Variants in KLF5 observed in about 807,000 individuals in gnomAD.
KLF5 encodes KLF transcription factor 5.
In KLF5, 9 loss-of-function variants were observed where a neutral mutation model predicts 36.9. The observed-to-expected ratio is 0.24, with a 90% CI of 0.15 to 0.43. The LOEUF (loss-of-function observed/expected upper bound fraction) is 0.43, where lower values mean the gene tolerates loss of function less well. Ranked by LOEUF, KLF5 falls within the 20% of genes least tolerant of loss-of-function variation. The pLI is 1.00. For synonymous variants in KLF5, 246 were observed against 241.7 expected, an observed-to-expected ratio of 1.02 and a Z score of -0.17; for missense variants, 524 against 599.5, an observed-to-expected ratio of 0.87 and a Z score of 1.31.
chr13:73,063,242 A>AT (rs1467314669), intron 2 of KLF5, among the ~76,000 whole-genome samples: 4 of 152,226 alleles, frequency 2.6e-5, no homozygotes, highest in African/African-American at 9.6e-5. Context: ...TACAAGACAG[A>AT]TTTAAGAATG....
intron 3 of KLF5, among the ~76,000 whole-genome samples, chr13:73,066,741 T>C (rs1426775018): frequency 2.6e-5 from 4 of 152,314 alleles, no homozygotes; most frequent in Non-Finnish European, 5.9e-5. Flanking sequence ...TTTTAAGTAA[T>C]CTGAGATGAC....
At chr13:73,063,371 A>G (rs1053614400) in intron 2 of KLF5, among the ~76,000 whole-genome samples, 2 of 152,226 alleles carry the variant, frequency 1.3e-5, no homozygotes, top group African/African-American at 4.8e-5. Context: ...TTTATGATTA[A>G]TACATGGCAA....
upstream of KLF5, among the ~76,000 whole-genome samples, chr13:73,056,429 G>C (rs1349628485): frequency 6.6e-6 from 1 of 152,214 alleles, no homozygotes; most frequent in Non-Finnish European, 1.5e-5. Flanking sequence ...CAAAGAACTA[G>C]AAAGTTCAAA....
rs1476154158 is a variant in KLF5, at chr13:73,062,306, A to C, written c.707A>C (p.Asp236Ala). 3 of 1,614,136 alleles carry C rather than the reference A, an allele frequency of 1.9e-6. No homozygotes were observed. The highest frequency in any genetic ancestry group is 4.5e-5 in the East Asian group (2 of 44,880). ...CTGTACCAGCTACTGAATACACCGG[A>C]TCTAGATATGCCCAGTTCTACAAAT... ...GHLYQLLNTP[D>A]LDMPSSTNQT... The change falls in exon 2 of 4, where the codon GAT becomes GCT. Residue 236 changes from aspartate to alanine, a missense_variant. Physicochemically the swap from Asp to Ala is moderately radical, Grantham distance 126 (BLOSUM62 -2). This residue lies in a region of KLF5 where 454 missense variants were observed against 458.1 expected (regional missense o/e 0.99). Transcript: ENST00000377687.
At chr13:73,071,380 A>G (rs2044721017) in intron 3 of KLF5, among the ~76,000 whole-genome samples, 1 of 152,224 alleles carries the variant, frequency 6.6e-6, no homozygotes, top group Admixed American at 6.5e-5. Flanking sequence ...TATCTGGTAA[A>G]TAATTAGATG....
chr13:73,076,720 A>G lies in KLF5; in HGVS notation c.*834A>G, dbSNP rs962161642. 2.0e-5 allele frequency: 3 copies of G among 152,234 alleles called. No homozygotes were observed. Among genetic ancestry groups the G allele is most frequent in the Non-Finnish European group, 2.9e-5 (2 of 68,044 alleles). 9.4% of individuals were successfully genotyped at this position (152,234 alleles called of 1,614,324 possible). A position where few individuals can be genotyped will look rare whatever the true frequency, so the allele number is the denominator to read the frequency against. ...TGAAGAGCTTAAAGATAGTTACAAA[A>G]TACAAAAGTTCAACCTCTTACAATA... On this transcript the variant is annotated 3_prime_UTR_variant, in exon 4 of 4. Transcript: ENST00000377687.
At chr13:73,069,395 G>A (rs765200900) in intron 3 of KLF5, among the ~76,000 whole-genome samples, 2 of 152,154 alleles carry the variant, frequency 1.3e-5, no homozygotes, top group Non-Finnish European at 2.9e-5. Flanking sequence ...AAGAGATTTA[G>A]GACTCAGTGG....
chr13:73,062,772 A>AGTGTGT lies in KLF5; in HGVS notation c.1135+51_1135+56dup, dbSNP rs113148226. On this transcript the variant is annotated intron_variant, in intron 2 of 3. Transcript: ENST00000377687. ...ACCTGGTTGAAGCATCAATAGATGT[A>AGTGTGT]GTGTGTGTGTGTGTGTGTCTGTGTG... is the stretch of plus-strand genomic sequence containing the variant. The AGTGTGT allele has an allele frequency of 5.6e-3, 8,074 of 1,431,408 alleles. 32 individuals carry two copies. Among genetic ancestry groups the AGTGTGT allele is most frequent in the East Asian group, 0.047 (2,035 of 43,548 alleles). 88.7% of individuals were successfully genotyped at this position (1,431,408 alleles called of 1,614,324 possible).
chr13:73,073,423 A>G (rs764454528), intron 3 of KLF5, among the ~76,000 whole-genome samples: 13 of 152,224 alleles, frequency 8.5e-5, no homozygotes, highest in Non-Finnish European at 1.5e-4. Flanking sequence ...TGTTTTAGAA[A>G]CTTTAATGGC....
intron 3 of KLF5, among the ~76,000 whole-genome samples, chr13:73,066,011 TG>T (rs2044676831): frequency 6.6e-6 from 1 of 152,234 alleles, no homozygotes; most frequent in Admixed American, 6.5e-5. Context: ...AGACCTGGTT[TG>T]GGTCCCTTGC....
Position 73,075,980 on chromosome 13 carries a change from C to A in KLF5, c.*94C>A, listed in dbSNP as rs1594400457. On this transcript the variant is annotated 3_prime_UTR_variant, in exon 4 of 4. Transcript: ENST00000377687. ...TAAAAACAACAAAAACAAACAAAAG[C>A]AAGAAAACCACAACTAAAACTGGAA... 8.7e-6 allele frequency: 7 copies of A among 801,616 alleles called. No individual in the cohort carries two copies. The highest frequency in any genetic ancestry group is 4.3e-5 in the African/African-American group (2 of 46,808). 49.7% of individuals were successfully genotyped at this position (801,616 alleles called of 1,614,324 possible). A position where few individuals can be genotyped will look rare whatever the true frequency, so the allele number is the denominator to read the frequency against.
intron 1 of KLF5, 26 bp downstream of exon 1, chr13:73,059,614 C>G: frequency 1.7e-6 from 2 of 1,144,966 alleles, no homozygotes; most frequent in Non-Finnish European, 2.1e-6. Context: ...CCCCTCCCAC[C>G]GCAGCACTCC....
chr13:73,075,756 C>T lies in KLF5; in HGVS notation c.1244C>T (p.Ala415Val). 2 of 1,611,908 alleles carry T rather than the reference C, an allele frequency of 1.2e-6. No individual in the cohort carries two copies. Among genetic ancestry groups the T allele is most frequent in the Non-Finnish European group, 8.5e-7 (1 of 1,178,472 alleles). Residue 415 changes from alanine (A) to valine (V), a missense_variant, in exon 4 of 4, where the codon GCG (alanine) becomes GTG (valine). Physicochemically the swap from Ala to Val is moderately conservative, Grantham distance 64 (BLOSUM62 0). Transcript: ENST00000377687. ...CTWEGCDWRFARSDELTRHYR... is the reference protein window; with the variant it reads ...CTWEGCDWRFVRSDELTRHYR... ...TGGGAAGGCTGCGACTGGAGGTTCG[C>T]GCGATCGGATGAGCTGACCCGCCAC... is the stretch of plus-strand genomic sequence containing the variant.
At chr13:73,075,685 A>G (rs551922975) in intron 3 of KLF5, 23 bp from the exon 4 acceptor site, 2 of 1,554,048 alleles carry the variant, frequency 1.3e-6, no homozygotes, top group African/African-American at 1.4e-5. Flanking sequence ...AGGCCGCTTT[A>G]CCTCCTTTGT....
At chr13:73,074,392 C>CTTTTTTTTTTTTTTTTTTTTTTT (rs2044744080) in intron 3 of KLF5, among the ~76,000 whole-genome samples, 1 of 151,966 alleles carries the variant, frequency 6.6e-6, no homozygotes, top group African/African-American at 2.4e-5. Flanking sequence ...CAGAAGGAAA[C>CTTTTTTTTTTTTTTTTTTTTTTT]ATTTTTTTAA....
intron 3 of KLF5, among the ~76,000 whole-genome samples, chr13:73,074,831 C>T (rs1255355586): frequency 6.6e-6 from 1 of 152,046 alleles, no homozygotes; most frequent in African/African-American, 2.4e-5. Flanking sequence ...TCCATGAGGC[C>T]AACTGTTTTT....
chr13:73,069,695 C>A (rs1303272820), intron 3 of KLF5, among the ~76,000 whole-genome samples: 1 of 152,040 alleles, frequency 6.6e-6, no homozygotes, highest in Non-Finnish European at 1.5e-5. Flanking sequence ...AGGACTTGTT[C>A]TTTCTTCTGA....
In KLF5 at chr13:73,071,453, G is replaced by A. The variant is rs986892132; in HGVS notation, c.1196-4255G>A. ...ACCTTCTGTTCCAAGTATAGGAAAT[G>A]TGTGACAATGAGTTTTAATAGAAAG... On this transcript the variant is annotated intron_variant, in intron 3 of 3. Transcript: ENST00000377687. Among the ~76,000 whole-genome samples, 108 of 152,166 alleles carry A rather than the reference G, an allele frequency of 7.1e-4. 6 individuals carry two copies. Among genetic ancestry groups the A allele is most frequent in the African/African-American group, 4.8e-5 (2 of 41,444 alleles).
chr13:73,066,181 A>G (rs2044678449), intron 3 of KLF5, among the ~76,000 whole-genome samples: 1 of 152,208 alleles, frequency 6.6e-6, no homozygotes, highest in South Asian at 2.1e-4. Context: ...TTCTTGGGTA[A>G]TCATAGAGCA....
Sources: gnomAD v4.1 joint callset for allele counts (sites outside exome capture counted in the v4.1 genomes callset) on GRCh38, gnomAD v4.1.1 for gene constraint, gnomAD v4.1.1 regional missense constraint, MANE v1.5 for transcripts, NCBI Gene and HGNC (gene_info 2026-07-23, HGNC 2026-07-21) for gene names.